ARHGEF1: variants seen among roughly 807,000 people sequenced by gnomAD.
ARHGEF1 encodes 115 kDa guanine nucleotide exchange factor.
Under a neutral mutation model 119.7 loss-of-function variants are expected in ARHGEF1, and 40 were observed. The ratio of observed to expected loss-of-function variants is 0.33; its 90% CI spans 0.26 to 0.44. The LOEUF (loss-of-function observed/expected upper bound fraction) is 0.44. Ranked by LOEUF, ARHGEF1 falls within the 20% of genes least tolerant of loss-of-function variation. ARHGEF1 has a pLI of 1.00. For missense variants in ARHGEF1, 976 were observed against 1,268.3 expected, an observed-to-expected ratio of 0.77 and a Z score of 3.50; for synonymous variants, 494 against 521.0, an observed-to-expected ratio of 0.95 and a Z score of 0.71.
At chr19:41,900,797 T>G (rs1346831542) in intron 14 of ARHGEF1, 2 of 147,208 alleles carry the variant, frequency 1.4e-5, no homozygotes, top group African/African-American at 2.5e-5. Flanking sequence ...TTTTTTTTTT[T>G]TTTTTTTTTT....
chr19:41,918,671 CAG>C (rs2074818792), upstream of ARHGEF1, among the ~76,000 whole-genome samples: 1 of 148,490 alleles, frequency 6.7e-6, no homozygotes, highest in Non-Finnish European at 1.5e-5. Flanking sequence ...CTACCCATCA[CAG>C]ACACACCACA....
At chr19:41,912,600 C>A (rs1434189076) in intron 18 of ARHGEF1, among the ~76,000 whole-genome samples, 1 of 152,252 alleles carries the variant, frequency 6.6e-6, no homozygotes, top group African/African-American at 2.4e-5. Context: ...TCCGTCCTCA[C>A]CCCTCACTCA....
rs1487223747 is a variant in ARHGEF1, at chr19:41,914,596, A to ATCTCTG, written c.1865+7799_1865+7804dup. The stretch of plus-strand genomic sequence containing the variant: ...CTCCGTCTCTCCCTCCCTTTCCACC[A>ATCTCTG]TCTCTGTCTCTCCCTCCCCTTCCAC... On this transcript the variant is annotated intron_variant, in intron 18 of 20. Transcript: ENST00000599589. Among the ~76,000 whole-genome samples, 137 of 20,252 alleles carry ATCTCTG rather than the reference A, an allele frequency of 6.8e-3. 32 individuals carry two copies. The highest frequency in any genetic ancestry group is 6.1e-3 in the Admixed American group (9 of 1,464). 13.3% of individuals were successfully genotyped at this position (20,252 alleles called of 152,430 possible).
At chr19:41,896,336 G>C (rs557906235) in intron 12 of ARHGEF1, 41 bp from the exon 13 acceptor site, 1 of 1,130,748 alleles carries the variant, frequency 8.8e-7, no homozygotes, top group East Asian at 3.1e-5. Flanking sequence ...TCTCGTGGCC[G>C]CAGAGGCCTT....
chr19:41,891,833 C>T (rs1555846238), intron 4 of ARHGEF1, among the ~76,000 whole-genome samples, 192 bp from the exon 5 acceptor site: 1 of 152,106 alleles, frequency 6.6e-6, no homozygotes, highest in Non-Finnish European at 1.5e-5. Flanking sequence ...CTCATGGCAG[C>T]CCCAGGGAGC....
chr19:41,909,426 C>T (rs890834298), downstream of ARHGEF1: 3 of 1,237,460 alleles, frequency 2.4e-6, no homozygotes, highest in Non-Finnish European at 3.0e-6. This position sits in a 1 kb window ranked among gnomAD's most constrained non-coding sequence, Gnocchi z 5.2. Flanking sequence ...TGTAGGTGAA[C>T]CTCTTCCCTT....
Position 41,891,859 on chromosome 19 carries a change from G to C in ARHGEF1, c.226-166G>C, listed in dbSNP as rs547170269. Among the ~76,000 whole-genome samples the C allele has an allele frequency of 5.3e-5, 8 of 152,300 alleles. No individual in the cohort carries two copies. The South Asian group carries it at 1.4e-3, about 28-fold the overall frequency. The stretch of plus-strand genomic sequence containing the variant: ...CCCAGGGAGCCTGCAGGGGAACCCA[G>C]GGCCTGGCTTTAGGGGTGGAGGTCA... On this transcript the variant is annotated intron_variant, in intron 4 of 28. Coordinates refer to ENST00000354532, the MANE Select transcript of ARHGEF1 (RefSeq NM_004706.4).
In ARHGEF1 at chr19:41,917,644, ACACG is replaced by A. The variant is rs1410721789; in HGVS notation, c.1866-5436_1866-5433del. Among the ~76,000 whole-genome samples the A allele has an allele frequency of 1.4e-5, 2 of 142,602 alleles. No homozygotes were observed. Among genetic ancestry groups the A allele is most frequent in the Non-Finnish European group, 3.2e-5 (2 of 62,042 alleles). 93.6% of individuals were successfully genotyped at this position (142,602 alleles called of 152,430 possible). ...GCATGCACACACCATGCCCCAAAGCACACGCACGCACGCACACACACACCCTGAC... is the reference window on the plus strand; with the variant it reads ...GCATGCACACACCATGCCCCAAAGCACACGCACGCACACACACACCCTGAC... On this transcript the variant is annotated intron_variant, in intron 18 of 20. Transcript: ENST00000599589. This position sits in a 1 kb window ranked among gnomAD's most constrained non-coding sequence, Gnocchi z 4.8.
At chr19:41,914,415 T>C (rs753895416) in intron 18 of ARHGEF1, among the ~76,000 whole-genome samples, 25 of 150,180 alleles carry the variant, frequency 1.7e-4, no homozygotes, top group Middle Eastern at 6.9e-3. Context: ...CTCCATCTCC[T>C]CCTCCACCCC....
rs1358414156 is a variant in ARHGEF1, at chr19:41,916,054, G to A, written c.1866-7038G>A. Among the ~76,000 whole-genome samples the A allele has an allele frequency of 6.7e-6, 1 of 150,162 alleles. No individual in the cohort carries two copies. The highest frequency in any genetic ancestry group is 2.5e-5 in the African/African-American group (1 of 40,534). On this transcript the variant is annotated intron_variant, in intron 18 of 20. Coordinates refer to the ARHGEF1 transcript ENST00000599589. This position sits in a 1 kb window ranked among gnomAD's most constrained non-coding sequence, Gnocchi z 5.4. ...CCCCATCTCTACCGCCCGCAGCCAT[G>A]GCACCGAATGTGTGTGCGCATGTGA...
chr19:41,891,997 G>A lies in ARHGEF1; in HGVS notation c.226-28G>A, dbSNP rs191673640. On this transcript the variant is annotated intron_variant, in intron 4 of 28. Coordinates refer to ENST00000354532, the MANE Select transcript of ARHGEF1 (RefSeq NM_004706.4). ...GTGGTTTGAGGCAGGGTGAGGGAGC[G>A]GAGAGTCATGCTGTGTGTCTCCCCC... The A allele has an allele frequency of 3.2e-4, 496 of 1,564,326 alleles. No homozygotes were observed. In the African/African-American group the frequency reaches 4.5e-3, roughly 14 times the overall value.
At chr19:41,918,615 C>G (rs1002849705), upstream of ARHGEF1, among the ~76,000 whole-genome samples, 2 of 148,262 alleles carry the variant, frequency 1.3e-5, no homozygotes, top group African/African-American at 5.1e-5. Flanking sequence ...ACAAACCACA[C>G]ACACCACATC....
intron 28 of ARHGEF1, 75 bp from the exon 29 acceptor site, chr19:41,907,030 C>G: frequency 7.4e-7 from 1 of 1,355,680 alleles, no homozygotes. Context: ...CTCTCCCTGT[C>G]TTGTCTCTGT....
chr19:41,901,800 C>G lies in ARHGEF1; in HGVS notation c.1268-87C>G, dbSNP rs2074608782. ...CTTCTAGGAAGCTTTCCTCCCTGCT[C>G]TGCCTCATTCCTCTAGCCTGCCCAT... On this transcript the variant is annotated intron_variant, in intron 14 of 28. Coordinates refer to ENST00000354532, the MANE Select transcript of ARHGEF1 (RefSeq NM_004706.4). 6 of 1,493,294 alleles carry G rather than the reference C, an allele frequency of 4.0e-6. No individual in the cohort carries two copies. The East Asian group carries it at 1.4e-4, about 35-fold the overall frequency. 92.5% of individuals were successfully genotyped at this position (1,493,294 alleles called of 1,614,324 possible).
Position 41,888,724 on chromosome 19 carries a change from T to C in ARHGEF1, c.112-28T>C, listed in dbSNP as rs782592518. On this transcript the variant is annotated intron_variant, in intron 3 of 28. Transcript: ENST00000354532. The surrounding 1 kb of genome is among the most constrained non-coding windows in gnomAD (Gnocchi z 5.1). ...CCTAAGGCCCCTCCTCTTCTCCCCA[T>C]TGTACTCACCCCTTCCTGCACCCCC... 3 of 1,602,798 alleles carry C rather than the reference T, an allele frequency of 1.9e-6. No homozygotes were observed. The highest frequency in any genetic ancestry group is 4.5e-5 in the East Asian group (2 of 44,788).
chr19:41,919,950 C>A (rs781960190), upstream of ARHGEF1, among the ~76,000 whole-genome samples: 1 of 142,698 alleles, frequency 7.0e-6, no homozygotes, highest in Non-Finnish European at 1.5e-5. Context: ...TACGCCCAGA[C>A]GTGACGAACT....
At chr19:41,885,290 C>T (rs917464777) in intron 1 of ARHGEF1, among the ~76,000 whole-genome samples, 4 of 152,190 alleles carry the variant, frequency 2.6e-5, no homozygotes, top group African/African-American at 9.7e-5. Flanking sequence ...CAGCCGTATC[C>T]AACTTGCACT....
Position 41,888,410 on chromosome 19 carries a change from T to G in ARHGEF1, c.111+132T>G. The G allele has an allele frequency of 1.1e-6, 1 of 881,212 alleles. No individual in the cohort carries two copies. The highest frequency in any genetic ancestry group is 1.7e-6 in the Non-Finnish European group (1 of 571,434). The allele number at this position is 881,212 out of a possible 1,614,324, so 54.6% of individuals were successfully genotyped here. Reference sequence around the variant, plus strand: ...CTCATCCTCTCATCTCCCTGGTACCTCCTTCCTCACCTCGCCGACCCCACA... The same window carrying G: ...CTCATCCTCTCATCTCCCTGGTACCGCCTTCCTCACCTCGCCGACCCCACA... On this transcript the variant is annotated intron_variant, in intron 3 of 28. Transcript: ENST00000354532. The surrounding 1 kb of genome is among the most constrained non-coding windows in gnomAD (Gnocchi z 5.1).
intron 18 of ARHGEF1, among the ~76,000 whole-genome samples, chr19:41,913,628 T>G (rs1555851466): frequency 6.6e-6 from 1 of 151,066 alleles, no homozygotes; most frequent in African/African-American, 2.4e-5. Context: ...AAGACCCCTG[T>G]CACTTGGATC....
Sources: gnomAD v4.1 joint callset for allele counts (sites outside exome capture counted in the v4.1 genomes callset) on GRCh38, gnomAD v4.1.1 for gene constraint, Gnocchi (gnomAD v3.1) non-coding constraint, MANE v1.5 for transcripts, NCBI Gene and HGNC (gene_info 2026-07-23, HGNC 2026-07-21) for gene names.